The following ITGA3 variants were observed in gnomAD, a reference collection of about 807,000 sequenced individuals.
ITGA3 encodes integrin alpha-3.
ITGA3 carries 70 observed loss-of-function variants against 131.1 expected under a neutral mutation model. The ratio of observed to expected loss-of-function variants is 0.53; its 90% CI spans 0.44 to 0.65. The LOEUF (loss-of-function observed/expected upper bound fraction) is 0.65, where lower values mean the gene tolerates loss of function less well. Among genes scored for constraint, ITGA3 ranks in the 30% least tolerant of loss-of-function variants. ITGA3 has a pLI of 0.00. For missense variants in ITGA3, 1,098 were observed against 1,388.6 expected, an observed-to-expected ratio of 0.79 and a Z score of 3.33; for synonymous variants, 537 against 571.6, an observed-to-expected ratio of 0.94 and a Z score of 0.86.
intron 4 of ITGA3, among the ~76,000 whole-genome samples, chr17:50,070,307 G>C (rs1413833757): frequency 6.6e-6 from 1 of 152,134 alleles, no homozygotes; most frequent in African/African-American, 2.4e-5. Context: ...TCCCTCCTGA[G>C]CCTCACTTAT....
rs200996148 is a variant in ITGA3 at position 50,075,729 on chromosome 17, C to T, written c.1668C>T (p.Leu556=). The T allele has an allele frequency of 6.2e-7, 1 of 1,613,980 alleles. No homozygotes were observed. Among genetic ancestry groups the T allele is most frequent in the South Asian group, 1.1e-5 (1 of 91,068 alleles). ...PEMRCQKLEL[L]LMDNLRDKLR... ...TGCGCTGCCAGAAGCTGGAGCTGCT[C>T]CTGATGGTGAGGGAGGAGCAAGGGT... Residue 556 remains leucine, a synonymous_variant, in exon 12 of 26, where the codon CTC becomes CTT. Transcript: ENST00000320031.
intron 22 of ITGA3, 96 bp downstream of exon 22, chr17:50,080,471 T>G (rs1456137424): frequency 1.9e-5 from 6 of 312,958 alleles, no homozygotes; most frequent in African/African-American, 8.8e-5. Context: ...TGGGTGTGTG[T>G]GTGTGTGTGT....
At chr17:50,088,891 C>T (rs1909585207) in intron 25 of ITGA3, among the ~76,000 whole-genome samples, 1 of 152,168 alleles carries the variant, frequency 6.6e-6, no homozygotes, top group Non-Finnish European at 1.5e-5. Context: ...CTCCATCTGC[C>T]TCTTCCTCTG....
intron 1 of ITGA3, among the ~76,000 whole-genome samples, chr17:50,060,166 C>T (rs1908010477): frequency 1.3e-5 from 2 of 152,296 alleles, no homozygotes; most frequent in South Asian, 4.1e-4. Flanking sequence ...CCCCACCTGC[C>T]TCCCGGCCGG....
chr17:50,067,140 G>GGAA, intron 3 of ITGA3, among the ~76,000 whole-genome samples: 2 of 152,322 alleles, frequency 1.3e-5, no homozygotes, highest in Non-Finnish European at 2.9e-5. Flanking sequence ...CCCCTACTGT[G>GGAA]TACCAAACAC....
rs375791394 is a variant in ITGA3 at position 50,087,737 on chromosome 17, G to A, written c.2920-7G>A. On this transcript the variant is annotated splice_region_variant and splice_polypyrimidine_tract_variant and intron_variant, in intron 23 of 25. Coordinates refer to ENST00000320031, the MANE Select transcript of ITGA3 (RefSeq NM_002204.4). ...CACAGGGCTGAGTCCTCCTCTCCCC[G>A]CTCCAGTTCTCTGTGGACATTGACT... 9.3e-6 allele frequency: 15 copies of A among 1,610,970 alleles called. No individual in the cohort carries two copies. Among genetic ancestry groups the A allele is most frequent in the South Asian group, 3.3e-5 (3 of 91,002 alleles).
At position 50,064,508 on chromosome 17, in the gene ITGA3, GA is replaced by G; in HGVS notation, c.335-19del. ...GTATGGGTGAGGTGCTCTGATTCAT[GA>G]TCCTTCCGGTGCCCACAGATGACCC... On this transcript the variant is annotated intron_variant, in intron 2 of 25. Transcript: ENST00000320031. This position sits in a 1 kb window ranked among gnomAD's most constrained non-coding sequence, Gnocchi z 4.4. The G allele has an allele frequency of 6.2e-7, 1 of 1,604,202 alleles. No homozygotes were observed. Among genetic ancestry groups the G allele is most frequent in the Non-Finnish European group, 8.5e-7 (1 of 1,175,884 alleles).
intron 1 of ITGA3, among the ~76,000 whole-genome samples, chr17:50,062,039 C>CAAA (rs529147794): frequency 2.6e-5 from 3 of 117,578 alleles, no homozygotes; most frequent in African/African-American, 3.5e-5. Flanking sequence ...GACCCTGTCT[C>CAAA]AAAAAAAAAA....
At chr17:50,077,859 C>G in intron 16 of ITGA3, 187 bp from the exon 17 acceptor site, 2 of 587,870 alleles carry the variant, frequency 3.4e-6, no homozygotes, top group South Asian at 4.2e-5. Flanking sequence ...GAGATGTGAC[C>G]TGATGGAGAG....
intron 22 of ITGA3, 27 bp from the exon 23 acceptor site, chr17:50,081,283 C>G: frequency 6.9e-7 from 1 of 1,459,000 alleles, no homozygotes; most frequent in Non-Finnish European, 9.4e-7. Context: ...CAAGTGTTCC[C>G]CTTGACCCAC....
At position 50,056,410 on chromosome 17, in the gene ITGA3, C is replaced by T. The variant is rs1298078741; in HGVS notation, c.-30C>T. The T allele has an allele frequency of 7.0e-7, 1 of 1,434,016 alleles. No homozygotes were observed. Among genetic ancestry groups the T allele is most frequent in the Non-Finnish European group, 9.1e-7 (1 of 1,097,448 alleles). 88.8% of individuals were successfully genotyped at this position (1,434,016 alleles called of 1,614,324 possible). A position where few individuals can be genotyped will look rare whatever the true frequency, so the allele number is the denominator to read the frequency against. ...GCCCAGCTCCGCGCCCTCACGCGCT[C>T]TCGCCGGGACCCCGCTTCCGCTGGC... On this transcript the variant is annotated 5_prime_UTR_variant, in exon 1 of 26. Coordinates refer to ENST00000320031, the MANE Select transcript of ITGA3 (RefSeq NM_002204.4). The surrounding 1 kb of genome is among the most constrained non-coding windows in gnomAD (Gnocchi z 5.6).
At chr17:50,063,979 C>T in intron 1 of ITGA3, 98 bp from the exon 2 acceptor site, 1 of 1,488,830 alleles carries the variant, frequency 6.7e-7, no homozygotes, top group South Asian at 1.3e-5. Flanking sequence ...GGTCTCCTGG[C>T]ACCAAGAATC....
chr17:50,063,495 C>T (rs900076327), intron 1 of ITGA3: 10 of 153,332 alleles, frequency 6.5e-5, no homozygotes, highest in Non-Finnish European at 1.3e-4. Flanking sequence ...TTTGAACTCT[C>T]TGCCAGGATT....
Position 50,078,857 on chromosome 17 carries a change from G to T in ITGA3, c.2331G>T (p.Gly777=). The T allele has an allele frequency of 1.2e-6, 2 of 1,613,344 alleles. No individual in the cohort carries two copies. The highest frequency in any genetic ancestry group is 1.7e-6 in the Non-Finnish European group (2 of 1,179,296). Residue 777 remains glycine (G), a synonymous_variant, in exon 19 of 26, where the codon GGG becomes GGT. Transcript: ENST00000320031. The part of the protein sequence containing the change: ...VNHRLQSFFG[G]TVMGESGMKT... ...ACCGGCTACAAAGCTTCTTTGGGGGGACAGTGATGGGTGAGTCTGGCATGA... is the reference window on the plus strand; with the variant it reads ...ACCGGCTACAAAGCTTCTTTGGGGGTACAGTGATGGGTGAGTCTGGCATGA...
In ITGA3 at chr17:50,090,200, C is replaced by T. The variant is rs189151821; in HGVS notation, c.*1122C>T. ...CCCCACCCCATCCAGCCAGACCCCA[C>T]GCTGACCATGCGTCAGGGGCCTAGA... On this transcript the variant is annotated 3_prime_UTR_variant, in exon 26 of 26. Transcript: ENST00000320031. 207 of 456,112 alleles carry T rather than the reference C, an allele frequency of 4.5e-4. No individual in the cohort carries two copies. Among genetic ancestry groups the T allele is most frequent in the African/African-American group, 2.4e-3 (119 of 50,176 alleles). 28.3% of individuals were successfully genotyped at this position (456,112 alleles called of 1,614,324 possible).
At chr17:50,063,713 C>A in intron 1 of ITGA3, 1 of 251,022 alleles carries the variant, frequency 4.0e-6, no homozygotes. Context: ...ACCCTGCTGG[C>A]TCTTGCTTCC....
At chr17:50,078,722 G>A in intron 18 of ITGA3, 102 bp from the exon 19 acceptor site, 2 of 701,096 alleles carry the variant, frequency 2.9e-6, no homozygotes, top group South Asian at 1.7e-5. Flanking sequence ...TGAGGTGACT[G>A]ATGTCAGAGG....
intron 1 of ITGA3, among the ~76,000 whole-genome samples, chr17:50,060,084 A>G (rs918997529): frequency 6.6e-6 from 1 of 152,178 alleles, no homozygotes; most frequent in Non-Finnish European, 1.5e-5. Flanking sequence ...AGGCTGGCAT[A>G]GAGCTGGGAT....
Position 50,078,075 on chromosome 17 carries a change from C to T in ITGA3, c.2169C>T (p.Ile723=), listed in dbSNP as rs748719175. Residue 723 remains isoleucine, a synonymous_variant, in exon 17 of 26, where the codon ATC becomes ATT. Transcript: ENST00000320031. The stretch of plus-strand genomic sequence containing the variant: ...AGCTGCTCATCGCCTTTGAGGTCAT[C>T]GGGGTGACCCTGCACACAAGGGACC... ...RMELLIAFEV[I]GVTLHTRDLQ... 37 of 1,613,334 alleles carry T rather than the reference C, an allele frequency of 2.3e-5. No individual in the cohort carries two copies. Among genetic ancestry groups the T allele is most frequent in the Non-Finnish European group, 3.0e-5 (35 of 1,179,454 alleles).
Sources: allele counts gnomAD v4.1 joint callset (sites outside exome capture counted in the v4.1 genomes callset), GRCh38; gene constraint gnomAD v4.1.1; non-coding constraint Gnocchi (gnomAD v3.1); transcripts MANE v1.5; gene names NCBI Gene and HGNC (gene_info 2026-07-23, HGNC 2026-07-21).